DDX19A: variants seen among roughly 807,000 people sequenced by gnomAD.
DDX19A encodes the protein ATP-dependent RNA helicase DDX19A.
Under a neutral mutation model 60.6 loss-of-function variants are expected in DDX19A, and 12 were observed. The observed-to-expected ratio is 0.20, with a 90% CI of 0.13 to 0.32. The LOEUF is 0.32. Ranked by LOEUF, DDX19A falls within the 10% of genes least tolerant of loss-of-function variation. DDX19A has a pLI of 1.00. For synonymous variants in DDX19A, 206 were observed against 218.2 expected (o/e 0.94, Z 0.49); for missense variants, 337 against 600.6 (o/e 0.56, Z 4.59).
intron 9 of DDX19A, among the ~76,000 whole-genome samples, chr16:70,368,253 C>G (rs1481564352): frequency 6.6e-6 from 1 of 152,098 alleles, no homozygotes; most frequent in African/African-American, 2.4e-5. Flanking sequence ...GTTCTCCTAT[C>G]TCCACTTGTG....
chr16:70,364,173 A>G (rs1964452120), intron 5 of DDX19A: 1 of 172,242 alleles, frequency 5.8e-6, no homozygotes. Context: ...GAAGGAACCA[A>G]ATTCTGGGAA....
rs1344229924 is a variant in DDX19A, at chr16:70,373,194, C to G, written c.*1208C>G. 1 of 152,184 alleles carries G rather than the reference C, an allele frequency of 6.6e-6. No homozygotes were observed. Among genetic ancestry groups the G allele is most frequent in the African/African-American group, 2.4e-5 (1 of 41,418 alleles). The allele number at this position is 152,184 out of a possible 1,614,324, so 9.4% of individuals were successfully genotyped here. A position where few individuals can be genotyped will look rare whatever the true frequency, so the allele number is the denominator to read the frequency against. On this transcript the variant is annotated 3_prime_UTR_variant, in exon 12 of 12. Coordinates refer to ENST00000302243, the MANE Select transcript of DDX19A (RefSeq NM_018332.5). ...GCTGCTGTGAGCTGAAATGGCGCCA[C>G]TGCACTCCAGCCTGGGTAACAGAGC...
Position 70,347,293 on chromosome 16 carries a change from T to C in DDX19A, c.57+245T>C, listed in dbSNP as rs542596137. 7.2e-6 allele frequency: 4 copies of C among 558,480 alleles called. No individual in the cohort carries two copies. In the African/African-American group the frequency reaches 7.5e-5, roughly 10 times the overall value. The allele number at this position is 558,480 out of a possible 1,614,324, so 34.6% of individuals were successfully genotyped here. On this transcript the variant is annotated intron_variant, in intron 1 of 11. Transcript: ENST00000302243. ...ATCCGCCCCACTATGCATGCTGTCA[T>C]TCCTCTATTGACCTCCTCGGTGACG... is the stretch of plus-strand genomic sequence containing the variant.
chr16:70,357,366 G>GTTTTGTTTTTT (rs1964237195), intron 4 of DDX19A, among the ~76,000 whole-genome samples: 1 of 44,596 alleles, frequency 2.2e-5, no homozygotes, highest in Non-Finnish European at 4.1e-5. Context: ...TTTTTGGTTT[G>GTTTTGTTTTTT]TTTTTTTTTT....
At chr16:70,356,932 C>G (rs1288501621) in intron 4 of DDX19A, 3 of 965,826 alleles carry the variant, frequency 3.1e-6, no homozygotes, top group East Asian at 1.5e-4. Flanking sequence ...AGAACATGTG[C>G]TATTTGTTTT....
Position 70,371,310 on chromosome 16 carries a change from G to T in DDX19A, c.1184-62G>T, listed in dbSNP as rs1335126092. On this transcript the variant is annotated intron_variant, in intron 10 of 11. Transcript: ENST00000302243. ...GTTGGTACGCATTGACCTACCTATG[G>T]ATGACAGTGATTTCTGTCTCCTGTC... The T allele has an allele frequency of 3.7e-6, 6 of 1,614,018 alleles. No individual in the cohort carries two copies. In the South Asian group the frequency reaches 5.5e-5, roughly 15 times the overall value.
At chr16:70,362,650 C>G (rs1378774247) in intron 5 of DDX19A, among the ~76,000 whole-genome samples, 1 of 151,954 alleles carries the variant, frequency 6.6e-6, no homozygotes, top group East Asian at 1.9e-4. Context: ...CAATTACAGC[C>G]CACTGCAGCC....
At position 70,358,158 on chromosome 16, in the gene DDX19A, G is replaced by T. The variant is rs535375035; in HGVS notation, c.293+1911G>T. Among the ~76,000 whole-genome samples, 5 of 152,006 alleles carry T rather than the reference G, an allele frequency of 3.3e-5. No individual in the cohort carries two copies. The South Asian group carries it at 6.2e-4, about 19-fold the overall frequency. ...CGATTCTCGTTCCTCAGCCTCTCAC[G>T]TAGCTGGGATTACAGGCCTGAGCCA... On this transcript the variant is annotated intron_variant, in intron 4 of 11. Transcript: ENST00000302243.
intron 10 of DDX19A, 125 bp downstream of exon 10, chr16:70,370,510 A>G (rs186752520): frequency 2.9e-6 from 4 of 1,388,120 alleles, no homozygotes; most frequent in Non-Finnish European, 3.8e-6. Context: ...TGGTGACACT[A>G]TTCCTTTCTA....
chr16:70,348,626 C>CAAA (rs1244983371), intron 1 of DDX19A, among the ~76,000 whole-genome samples: 25 of 34,730 alleles, frequency 7.2e-4, no homozygotes, highest in Non-Finnish European at 7.6e-4. Context: ...GACTCTGTCT[C>CAAA]AAAAAAAAAA....
At chr16:70,350,413 C>T (rs995914042) in intron 1 of DDX19A, 144 bp from the exon 2 acceptor site, 3 of 540,940 alleles carry the variant, frequency 5.5e-6, no homozygotes, top group Non-Finnish European at 9.9e-6. Flanking sequence ...TTCAGCAACT[C>T]TACTTTGAGG....
At chr16:70,356,288 T>C in intron 4 of DDX19A, 41 bp downstream of exon 4, 1 of 1,609,942 alleles carries the variant, frequency 6.2e-7, no homozygotes, top group Non-Finnish European at 8.5e-7. Context: ...GTTGCCAGTC[T>C]CTCCCCACAT....
intron 10 of DDX19A, chr16:70,370,852 C>T (rs547294854): frequency 2.1e-5 from 4 of 188,408 alleles, no homozygotes; most frequent in East Asian, 1.4e-4. Context: ...AAAAATTAGC[C>T]GGGCGTGGTG....
chr16:70,353,129 C>CTTTTTTTTTTTTTTTT (rs1308743627), intron 2 of DDX19A, among the ~76,000 whole-genome samples: 1 of 144,678 alleles, frequency 6.9e-6, no homozygotes, highest in African/African-American at 2.6e-5. Context: ...TTCTTTCTTT[C>CTTTTTTTTTTTTTTTT]TTTTTTTTTT....
intron 7 of DDX19A, chr16:70,365,354 G>C: frequency 2.7e-6 from 1 of 367,034 alleles, no homozygotes; most frequent in South Asian, 3.6e-5. Context: ...TCCACGCATG[G>C]CTCACAGAGT....
intron 9 of DDX19A, among the ~76,000 whole-genome samples, chr16:70,368,920 G>A (rs1964596124): frequency 6.6e-6 from 1 of 152,114 alleles, no homozygotes; most frequent in South Asian, 2.1e-4. Context: ...AGGCTGGAGT[G>A]CAGTGGTGCA....
chr16:70,371,023 G>C (rs1022167027), intron 10 of DDX19A: 1 of 377,524 alleles, frequency 2.6e-6, no homozygotes, highest in African/African-American at 2.1e-5. Flanking sequence ...GAAAGAAAAG[G>C]AACTCCCGCA....
At chr16:70,348,451 C>T (rs902942247) in intron 1 of DDX19A, among the ~76,000 whole-genome samples, 2 of 151,780 alleles carry the variant, frequency 1.3e-5, no homozygotes, top group Non-Finnish European at 2.9e-5. Context: ...CATAGTGAAA[C>T]CCTGTCTCTA....
chr16:70,369,129 A>G (rs1319102928), intron 9 of DDX19A, among the ~76,000 whole-genome samples: 2 of 148,666 alleles, frequency 1.3e-5, no homozygotes, highest in East Asian at 2.0e-4. Flanking sequence ...GGCCTCCCAA[A>G]GTGCTGGGAT....
Sources: gnomAD v4.1 joint callset for allele counts (sites outside exome capture counted in the v4.1 genomes callset) on GRCh38, gnomAD v4.1.1 for gene constraint, MANE v1.5 for transcripts, NCBI Gene and HGNC (gene_info 2026-07-23, HGNC 2026-07-21) for gene names.